The following MOB1B variants were observed in gnomAD, a reference collection of about 807,000 sequenced individuals.
MOB1B encodes MOB1 Mps One Binder homolog B.
In MOB1B, 19 loss-of-function variants were observed where a neutral mutation model predicts 24.4. The observed-to-expected ratio is 0.78, with a 90% CI of 0.54 to 1.14. The LOEUF (loss-of-function observed/expected upper bound fraction) is 1.14, where lower values mean the gene tolerates loss of function less well. Ranked by LOEUF, MOB1B falls within the 50% of genes most tolerant of loss-of-function variation. MOB1B has a pLI of 0.00. For synonymous variants in MOB1B, 76 were observed against 82.1 expected (o/e 0.93, Z 0.40); for missense variants, 243 against 259.6 (o/e 0.94, Z 0.44).
intron 2 of MOB1B, among the ~76,000 whole-genome samples, chr4:70,962,964 AC>A (rs760794751): frequency 6.6e-6 from 1 of 152,190 alleles, no homozygotes; most frequent in Non-Finnish European, 1.5e-5. Flanking sequence ...AGATCGTGGC[AC>A]TGCATTCCAG....
chr4:70,906,427 A>G (rs1244965437), intron 1 of MOB1B, among the ~76,000 whole-genome samples: 1 of 152,172 alleles, frequency 6.6e-6, no homozygotes, highest in African/African-American at 2.4e-5. Context: ...GTTGGGCACC[A>G]TTTGTGACAA....
chr4:70,939,392 A>G (rs1013597965), intron 1 of MOB1B, among the ~76,000 whole-genome samples: 7 of 152,160 alleles, frequency 4.6e-5, no homozygotes, highest in African/African-American at 1.4e-4. Context: ...AGAAAACCCA[A>G]TCCTAGTCTG....
chr4:70,981,676 TC>T (rs1210155086), intron 5 of MOB1B, among the ~76,000 whole-genome samples: 1 of 152,172 alleles, frequency 6.6e-6, no homozygotes, highest in Non-Finnish European at 1.5e-5. Context: ...AGCAGCAACT[TC>T]CATTTATTGT....
At chr4:70,962,845 A>G (rs758209670) in intron 2 of MOB1B, among the ~76,000 whole-genome samples, 14 of 151,952 alleles carry the variant, frequency 9.2e-5, no homozygotes, top group Non-Finnish European at 1.5e-4. Context: ...CTAAAAATAC[A>G]AATAAAAAAT....
chr4:70,959,179 C>T, intron 2 of MOB1B, 139 bp downstream of exon 2: 1 of 654,726 alleles, frequency 1.5e-6, no homozygotes, highest in Non-Finnish European at 2.5e-6. Flanking sequence ...CTAACTTTAA[C>T]CTTCATGTTA....
chr4:70,971,035 T>TA (rs755735127), intron 3 of MOB1B, among the ~76,000 whole-genome samples: 1 of 152,244 alleles, frequency 6.6e-6, no homozygotes, highest in Non-Finnish European at 1.5e-5. Flanking sequence ...TTGTGGTTTT[T>TA]ACCCGTCACG....
intron 5 of MOB1B, among the ~76,000 whole-genome samples, chr4:70,980,152 C>T (rs570465489): frequency 1.6e-4 from 24 of 152,216 alleles, no homozygotes; most frequent in Admixed American, 1.4e-3. Context: ...TCCATCTTCC[C>T]CCTGTACACA....
At position 70,939,778 on chromosome 4, in the gene MOB1B, A is replaced by G. The variant is rs1295440443; in HGVS notation, c.15-19096A>G. On this transcript the variant is annotated intron_variant, in intron 1 of 5. Coordinates refer to ENST00000309395, the MANE Select transcript of MOB1B (RefSeq NM_173468.4). ...TTAGTTTACCCATCAGCTCATTGAG[A>G]CCTCTTGCCTAACAAGGACAGAGAG... Among the ~76,000 whole-genome samples, 3 of 152,288 alleles carry G rather than the reference A, an allele frequency of 2.0e-5. No homozygotes were observed. In the South Asian group the frequency reaches 6.2e-4, roughly 32 times the overall value.
At position 70,933,283 on chromosome 4, in the gene MOB1B, C is replaced by T. The variant is rs1408304774; in HGVS notation, c.15-25591C>T. Reference sequence around the variant, plus strand: ...AATTACCTCCCACCACGCCCCTCCTCCAACACTAAGACATGAGATTTGGGT... The same window carrying T: ...AATTACCTCCCACCACGCCCCTCCTTCAACACTAAGACATGAGATTTGGGT... On this transcript the variant is annotated intron_variant, in intron 1 of 5. Coordinates refer to ENST00000309395, the MANE Select transcript of MOB1B (RefSeq NM_173468.4). Among the ~76,000 whole-genome samples, 6 of 152,236 alleles carry T rather than the reference C, an allele frequency of 3.9e-5. No homozygotes were observed. The East Asian group carries it at 7.7e-4, about 20-fold the overall frequency.
At chr4:70,965,431 ATAT>A (rs1319516303) in intron 2 of MOB1B, among the ~76,000 whole-genome samples, 2 of 150,500 alleles carry the variant, frequency 1.3e-5, no homozygotes, top group African/African-American at 2.4e-5. Flanking sequence ...TTATTTAATA[ATAT>A]TAGAAAGCAC....
At chr4:70,926,648 CT>C (rs1736666220) in intron 1 of MOB1B, among the ~76,000 whole-genome samples, 1 of 152,094 alleles carries the variant, frequency 6.6e-6, no homozygotes, top group Non-Finnish European at 1.5e-5. Context: ...TGAACACCTC[CT>C]GTGTGTAAAA....
At chr4:70,946,667 A>G (rs1195382886) in intron 1 of MOB1B, among the ~76,000 whole-genome samples, 1 of 152,246 alleles carries the variant, frequency 6.6e-6, no homozygotes, top group South Asian at 2.1e-4. Flanking sequence ...TGACTGAGGC[A>G]GATCTCAATC....
At chr4:70,926,936 A>C (rs942331971) in intron 1 of MOB1B, among the ~76,000 whole-genome samples, 2 of 151,622 alleles carry the variant, frequency 1.3e-5, no homozygotes, top group Admixed American at 1.3e-4. Context: ...GGTGGAGCTT[A>C]CAGTGAGCCG....
At chr4:70,907,767 T>G (rs1462005651) in intron 1 of MOB1B, among the ~76,000 whole-genome samples, 1 of 152,126 alleles carries the variant, frequency 6.6e-6, no homozygotes, top group Non-Finnish European at 1.5e-5. Flanking sequence ...GAGCCAAGAT[T>G]GCACCACTGC....
chr4:70,957,711 T>A (rs181808500), intron 1 of MOB1B, among the ~76,000 whole-genome samples: 1 of 151,666 alleles, frequency 6.6e-6, no homozygotes, highest in East Asian at 1.9e-4. Context: ...CCCAAGTAGC[T>A]GGGATTACCA....
intron 1 of MOB1B, among the ~76,000 whole-genome samples, chr4:70,904,432 C>T (rs1735656731): frequency 6.6e-6 from 1 of 152,050 alleles, no homozygotes; most frequent in Non-Finnish European, 1.5e-5. Flanking sequence ...ATATCCATGA[C>T]TACTGCTGAT....
At position 70,958,882 on chromosome 4, in the gene MOB1B, G is replaced by A. The variant is rs775501483; in HGVS notation, c.23G>A (p.Arg8His). Residue 8 changes from arginine to histidine, a missense_variant, in exon 2 of 6, where the codon CGC becomes CAC. Coordinates refer to ENST00000309395, the MANE Select transcript of MOB1B (RefSeq NM_173468.4). The stretch of plus-strand genomic sequence containing the variant: ...TTCTTTTCTATTCATAGTGGTAGTC[G>A]CTCTTCTAAAACTTTTAAACCAAAG... MSFLFGS[R>H]SSKTFKPKKN... The A allele has an allele frequency of 2.8e-5, 45 of 1,606,780 alleles. 1 individual carries two copies. Among genetic ancestry groups the A allele is most frequent in the South Asian group, 1.3e-4 (12 of 88,972 alleles).
intron 1 of MOB1B, among the ~76,000 whole-genome samples, chr4:70,913,133 C>A (rs193042974): frequency 2.0e-5 from 3 of 152,242 alleles, no homozygotes; most frequent in African/African-American, 7.2e-5. Context: ...GGATTACAGG[C>A]CATTTTGTAG....
intron 1 of MOB1B, among the ~76,000 whole-genome samples, chr4:70,946,570 G>T (rs1411948868): frequency 1.3e-5 from 2 of 152,134 alleles, no homozygotes; most frequent in African/African-American, 4.8e-5. Context: ...TTATTTATAC[G>T]CATGTAAGTG....
Sources: allele counts gnomAD v4.1 joint callset (sites outside exome capture counted in the v4.1 genomes callset), GRCh38; gene constraint gnomAD v4.1.1; transcripts MANE v1.5; gene names NCBI Gene and HGNC (gene_info 2026-07-23, HGNC 2026-07-21).